The following HPSE2 variants were observed in gnomAD, a reference collection of about 807,000 sequenced individuals.
HPSE2 encodes heparanase 2 (inactive).
HPSE2 carries 38 observed loss-of-function variants against 60.5 expected under a neutral mutation model. The ratio of observed to expected loss-of-function variants is 0.63; its 90% CI spans 0.48 to 0.82. The LOEUF (loss-of-function observed/expected upper bound fraction) is 0.82, where lower values mean the gene tolerates loss of function less well. Ranked by LOEUF, HPSE2 falls within the 40% of genes least tolerant of loss-of-function variation. The pLI is 0.00. For missense variants in HPSE2, 713 were observed against 740.4 expected (o/e 0.96, Z 0.43); for synonymous variants, 295 against 293.2 (o/e 1.01, Z -0.06).
At chr10:98,666,477 A>G (rs1947365743) in intron 6 of HPSE2, among the ~76,000 whole-genome samples, 1 of 152,200 alleles carries the variant, frequency 6.6e-6, no homozygotes, top group South Asian at 2.1e-4. Flanking sequence ...ACCACAGCAT[A>G]TACATTTTTC....
intron 3 of HPSE2, among the ~76,000 whole-genome samples, chr10:99,113,081 T>C (rs1269544145): frequency 1.3e-5 from 2 of 152,186 alleles, no homozygotes; most frequent in Non-Finnish European, 2.9e-5. Context: ...AGACATGAGC[T>C]TATTTATGGA....
intron 2 of HPSE2, among the ~76,000 whole-genome samples, chr10:99,160,240 A>G (rs1846772122): frequency 1.3e-5 from 2 of 152,132 alleles, no homozygotes; most frequent in African/African-American, 4.8e-5. Context: ...TGATAAAAAG[A>G]CAACCCAATT....
At chr10:98,849,124 G>A (rs1222097886) in intron 3 of HPSE2, among the ~76,000 whole-genome samples, 1 of 152,242 alleles carries the variant, frequency 6.6e-6, no homozygotes, top group East Asian at 1.9e-4. Context: ...GTCCAAAGAG[G>A]TTAAGCAATT....
intron 4 of HPSE2, among the ~76,000 whole-genome samples, chr10:98,740,680 G>C (rs1015006674): frequency 1.3e-5 from 2 of 152,142 alleles, no homozygotes; most frequent in African/African-American, 2.4e-5. Context: ...TCCAATGCTA[G>C]ATTTGCTCTA....
the HPSE2 span, among the ~76,000 whole-genome samples, chr10:99,299,048 T>TC: frequency 6.6e-6 from 1 of 152,096 alleles, no homozygotes; most frequent in Non-Finnish European, 1.5e-5. Flanking sequence ...CTCCTGATAC[T>TC]CCCAGAGACC....
chr10:98,918,615 TG>T (rs1381264838), intron 3 of HPSE2, among the ~76,000 whole-genome samples: 1 of 136,310 alleles, frequency 7.3e-6, no homozygotes, highest in Non-Finnish European at 1.5e-5. Flanking sequence ...CACTCATAGA[TG>T]GGAATTGAAC....
intron 11 of HPSE2, among the ~76,000 whole-genome samples, chr10:98,471,248 A>G (rs1394016991): frequency 6.6e-6 from 1 of 152,192 alleles, no homozygotes; most frequent in East Asian, 1.9e-4. Context: ...CTCAACCTTG[A>G]CCACATATTT....
At chr10:98,918,596 G>A (rs528540379) in intron 3 of HPSE2, among the ~76,000 whole-genome samples, 9 of 143,812 alleles carry the variant, frequency 6.3e-5, no homozygotes, top group South Asian at 2.3e-4. Context: ...ACCAAACACC[G>A]CATGTTCTCA....
intron 3 of HPSE2, among the ~76,000 whole-genome samples, chr10:98,854,635 G>T (rs1247059497): frequency 6.6e-6 from 1 of 152,120 alleles, no homozygotes; most frequent in Non-Finnish European, 1.5e-5. Flanking sequence ...TAAAACTGCT[G>T]CCCTCAAGGA....
intron 3 of HPSE2, among the ~76,000 whole-genome samples, chr10:99,061,422 A>G (rs1424760374): frequency 6.6e-6 from 1 of 152,244 alleles, no homozygotes; most frequent in Non-Finnish European, 1.5e-5. Flanking sequence ...AGAAGACTAA[A>G]TGTAGCTGGG....
At chr10:99,297,695 C>G in the HPSE2 span, among the ~76,000 whole-genome samples, 2 of 152,128 alleles carry the variant, frequency 1.3e-5, no homozygotes, top group Non-Finnish European at 2.9e-5. Flanking sequence ...ATGCCAGAGT[C>G]ATGTCGTTCT....
chr10:98,564,021 G>A (rs570321520), intron 9 of HPSE2, among the ~76,000 whole-genome samples: 2 of 152,226 alleles, frequency 1.3e-5, no homozygotes, highest in East Asian at 1.9e-4. Context: ...AAGATGAAAC[G>A]CAAAGTTCAA....
chr10:99,305,909 A>G, the HPSE2 span, among the ~76,000 whole-genome samples: 1 of 151,428 alleles, frequency 6.6e-6, no homozygotes. Flanking sequence ...CTAACAGAAG[A>G]CAGGATAGTA....
chr10:98,736,655 A>C (rs1401448807), intron 4 of HPSE2, among the ~76,000 whole-genome samples: 1 of 152,194 alleles, frequency 6.6e-6, no homozygotes, highest in Non-Finnish European at 1.5e-5. Flanking sequence ...TCAGTTCTTC[A>C]CTTCTTTCAA....
At chr10:98,704,637 C>T (rs11189761) in intron 5 of HPSE2, among the ~76,000 whole-genome samples, 75,630 of 152,070 alleles carry the variant, frequency 0.5, 21,110 homozygotes, top group South Asian at 0.74. Flanking sequence ...CTTCGACAAA[C>T]TGGACAAAAC....
At chr10:98,720,162 G>T (rs1486236728) in intron 5 of HPSE2, among the ~76,000 whole-genome samples, 1 of 151,864 alleles carries the variant, frequency 6.6e-6, no homozygotes, top group African/African-American at 2.4e-5. Flanking sequence ...GGATATGAGG[G>T]ATAATAAGAA....
intron 9 of HPSE2, among the ~76,000 whole-genome samples, chr10:98,594,234 C>T (rs779802991): frequency 6.6e-6 from 1 of 152,096 alleles, no homozygotes; most frequent in African/African-American, 2.4e-5. Flanking sequence ...ACATAGATAA[C>T]TTAAAACTAT....
intron 9 of HPSE2, among the ~76,000 whole-genome samples, chr10:98,576,554 G>T (rs1266007994): frequency 2.0e-5 from 3 of 152,032 alleles, no homozygotes; most frequent in African/African-American, 7.2e-5. Context: ...GAGGGAGGTG[G>T]GGGACAGAGG....
Position 99,235,529 on chromosome 10 carries a change from A to G in HPSE2, c.274T>C (p.Trp92Arg). The G allele has an allele frequency of 6.2e-7, 1 of 1,614,178 alleles. No homozygotes were observed. The change falls in exon 1 of 12, where the codon TGG becomes CGG. Residue 92 changes from tryptophan (W) to arginine (R), a missense_variant. Trp to Arg is a moderately radical substitution (Grantham distance 101). Transcript: ENST00000370552. ...CTGCCTTACCTTAGGAAATCGAGCC[A>G]GCCATCATGAATGATGGACGGATCC... ...QLDPSIIHDG[W>R]LDFLSSKRLV...
Sources: gnomAD v4.1 joint callset for allele counts (sites outside exome capture counted in the v4.1 genomes callset) on GRCh38, gnomAD v4.1.1 for gene constraint, MANE v1.5 for transcripts, NCBI Gene and HGNC (gene_info 2026-07-23, HGNC 2026-07-21) for gene names.